The following ARID5B variants were observed in gnomAD, a reference collection of about 807,000 sequenced individuals.
ARID5B encodes AT-rich interactive domain-containing protein 5B.
ARID5B carries 13 observed loss-of-function variants against 97.2 expected under a neutral mutation model. The observed-to-expected ratio is 0.13, with a 90% CI of 0.09 to 0.21. The LOEUF (loss-of-function observed/expected upper bound fraction) is 0.21. Among genes scored for constraint, ARID5B ranks in the 10% least tolerant of loss-of-function variants. The pLI is 1.00. For synonymous variants in ARID5B, 556 were observed against 570.3 expected, an observed-to-expected ratio of 0.97 and a Z score of 0.36; for missense variants, 1,210 against 1,465.3, an observed-to-expected ratio of 0.83 and a Z score of 2.84.
At chr10:61,914,318 C>T (rs1211487209) in intron 2 of ARID5B, among the ~76,000 whole-genome samples, 6 of 152,170 alleles carry the variant, frequency 3.9e-5, no homozygotes, top group African/African-American at 1.4e-4. Flanking sequence ...TATATGCCTA[C>T]TATGTGTCAG....
rs1324008379 is a variant in ARID5B at position 62,051,563 on chromosome 10, T to C, written c.846+563T>C. 4.6e-5 allele frequency among the ~76,000 whole-genome samples: 7 copies of C among 152,246 alleles called. No individual in the cohort carries two copies. The East Asian group carries it at 1.3e-3, about 29-fold the overall frequency. ...GCATTTATATACTTTTAAAGATCTC[T>C]GTTAACATAGAATGAAAGTAAATTC... On this transcript the variant is annotated intron_variant, in intron 5 of 9. Coordinates refer to ENST00000279873, the MANE Select transcript of ARID5B (RefSeq NM_032199.3).
At chr10:61,950,986 G>A (rs571821540) in intron 3 of ARID5B, among the ~76,000 whole-genome samples, 1 of 152,164 alleles carries the variant, frequency 6.6e-6, no homozygotes, top group South Asian at 2.1e-4. Flanking sequence ...CTTAATACTC[G>A]GTGGTATTGA....
intron 9 of ARID5B, among the ~76,000 whole-genome samples, chr10:62,086,511 C>A (rs1393770255): frequency 1.3e-5 from 2 of 151,792 alleles, no homozygotes; most frequent in Non-Finnish European, 2.9e-5. Flanking sequence ...ACCATCCTGG[C>A]TAACACGGTG....
chr10:62,037,245 C>T (rs1230188119), intron 4 of ARID5B, among the ~76,000 whole-genome samples: 2 of 152,162 alleles, frequency 1.3e-5, no homozygotes, highest in African/African-American at 4.8e-5. Context: ...AGGCCCTCCC[C>T]CACTCATTTC....
At chr10:61,956,496 A>G (rs1303399537) in intron 3 of ARID5B, among the ~76,000 whole-genome samples, 4 of 152,240 alleles carry the variant, frequency 2.6e-5, no homozygotes, top group African/African-American at 7.2e-5. Context: ...TTATAACAAC[A>G]TGGCACAAAT....
At chr10:61,901,821 C>T (rs1353444512) in intron 1 of ARID5B, 91 bp downstream of exon 1, 5 of 1,030,530 alleles carry the variant, frequency 4.9e-6, no homozygotes, top group Non-Finnish European at 7.4e-6. Flanking sequence ...CCACCCACAC[C>T]CCCCACAAAC....
intron 4 of ARID5B, among the ~76,000 whole-genome samples, chr10:62,014,350 T>A (rs1311221729): frequency 2.0e-5 from 3 of 152,142 alleles, no homozygotes; most frequent in Non-Finnish European, 4.4e-5. Flanking sequence ...TACCACCAGC[T>A]CCTCCCATAA....
rs111472064 is a variant in ARID5B, at chr10:62,028,752, G to A, written c.734-22136G>A. 3.9e-5 allele frequency among the ~76,000 whole-genome samples: 6 copies of A among 152,274 alleles called. 1 individual carries two copies. Among genetic ancestry groups the A allele is most frequent in the African/African-American group, 1.4e-4 (6 of 41,560 alleles). On this transcript the variant is annotated intron_variant, in intron 4 of 9. Coordinates refer to ENST00000279873, the MANE Select transcript of ARID5B (RefSeq NM_032199.3). ...GAGGCGGATGGATCACTTAAGGTCAGGAGTTTGAGACCAGCCTGGCCAACA... is the reference window on the plus strand; with the variant it reads ...GAGGCGGATGGATCACTTAAGGTCAAGAGTTTGAGACCAGCCTGGCCAACA...
At chr10:62,022,206 A>C (rs1589261843) in intron 4 of ARID5B, among the ~76,000 whole-genome samples, 1 of 152,192 alleles carries the variant, frequency 6.6e-6, no homozygotes. Flanking sequence ...TGCAAAACCC[A>C]TGTGAGCAAT....
chr10:61,963,493 C>G (rs1417262847), intron 3 of ARID5B, among the ~76,000 whole-genome samples: 1 of 151,978 alleles, frequency 6.6e-6, no homozygotes, highest in Non-Finnish European at 1.5e-5. Context: ...GAGAGCGAGA[C>G]TGCACCCAGA....
intron 3 of ARID5B, among the ~76,000 whole-genome samples, chr10:61,968,293 A>G (rs1301548308): frequency 6.6e-6 from 1 of 150,660 alleles, no homozygotes; most frequent in East Asian, 1.9e-4. Flanking sequence ...ATCCTATTTC[A>G]TTTTTTTAAA....
intron 4 of ARID5B, among the ~76,000 whole-genome samples, chr10:62,043,774 G>A (rs1365566361): frequency 1.3e-5 from 2 of 152,198 alleles, no homozygotes; most frequent in African/African-American, 2.4e-5. Context: ...CCTTGATCAG[G>A]AGCATTAATA....
At chr10:62,031,864 A>G (rs561689910) in intron 4 of ARID5B, among the ~76,000 whole-genome samples, 2 of 152,304 alleles carry the variant, frequency 1.3e-5, no homozygotes, top group Admixed American at 6.5e-5. Flanking sequence ...TGAAAACCTC[A>G]TGATTTTCAA....
intron 9 of ARID5B, among the ~76,000 whole-genome samples, chr10:62,087,645 A>G (rs1840309430): frequency 1.3e-5 from 2 of 152,254 alleles, no homozygotes; most frequent in Admixed American, 6.5e-5. Flanking sequence ...CAGGTTTATA[A>G]TGAACACATA....
At chr10:61,967,559 C>A (rs767132878) in intron 3 of ARID5B, among the ~76,000 whole-genome samples, 34 of 152,200 alleles carry the variant, frequency 2.2e-4, no homozygotes, top group Admixed American at 8.5e-4. Context: ...CAAAAAAGTT[C>A]TTTTCTTGCA....
At chr10:62,013,568 A>T (rs1839244247) in intron 4 of ARID5B, among the ~76,000 whole-genome samples, 1 of 152,070 alleles carries the variant, frequency 6.6e-6, no homozygotes, top group East Asian at 1.9e-4. Flanking sequence ...TCCCTTGAGC[A>T]ACATCTCCCC....
chr10:61,925,933 C>T (rs546605831), intron 2 of ARID5B, among the ~76,000 whole-genome samples: 31 of 152,230 alleles, frequency 2.0e-4, no homozygotes, highest in African/African-American at 6.7e-4. Context: ...CTCTTGTGCC[C>T]GGATGGATTT....
intron 3 of ARID5B, among the ~76,000 whole-genome samples, chr10:61,971,450 G>T (rs1418149425): frequency 6.6e-6 from 1 of 152,170 alleles, no homozygotes; most frequent in Non-Finnish European, 1.5e-5. Context: ...TATGCTGAGG[G>T]TTGTTGATAT....
At chr10:61,967,674 A>C (rs765636132) in intron 3 of ARID5B, among the ~76,000 whole-genome samples, 2 of 152,194 alleles carry the variant, frequency 1.3e-5, no homozygotes, top group Non-Finnish European at 2.9e-5. Flanking sequence ...CCAAACATTC[A>C]ATTTTTCCCT....
Sources: allele counts gnomAD v4.1 joint callset (sites outside exome capture counted in the v4.1 genomes callset), GRCh38; gene constraint gnomAD v4.1.1; transcripts MANE v1.5; gene names NCBI Gene and HGNC (gene_info 2026-07-23, HGNC 2026-07-21).